Variants in EVC2 observed in about 807,000 individuals in gnomAD.
EVC2 encodes EvC ciliary complex subunit 2, also known as limbin.
EVC2 carries 148 observed loss-of-function variants against 149.3 expected under a neutral mutation model. The observed-to-expected ratio is 0.99, with a 90% CI of 0.87 to 1.14. The LOEUF is 1.14. EVC2 is among the 50% of genes most tolerant of loss of function. The pLI, the probability that EVC2 is intolerant of heterozygous loss-of-function variation, is 0.00. For missense variants in EVC2, 1,854 were observed against 1,627.3 expected, an observed-to-expected ratio of 1.14 and a Z score of -2.40; for synonymous variants, 776 against 649.9, an observed-to-expected ratio of 1.19 and a Z score of -2.95.
At chr4:5,606,417 C>T (rs1021873769) in intron 16 of EVC2, among the ~76,000 whole-genome samples, 1 of 152,180 alleles carries the variant, frequency 6.6e-6, no homozygotes, top group Non-Finnish European at 1.5e-5. Flanking sequence ...CACAGAAGGG[C>T]ATCACCTTGG....
rs550112563 is a variant in EVC2, at chr4:5,634,376, C to T, written c.1471-2344G>A. On this transcript the variant is annotated intron_variant, in intron 10 of 21. Transcript: ENST00000344408. ...CCGCTACGAATGACTAGCTGGTGCC[C>T]AGTTATGTCGGTTCATCCATCAAAG... 4.2e-4 allele frequency among the ~76,000 whole-genome samples: 64 copies of T among 152,266 alleles called. No homozygotes were observed. In the South Asian group the frequency reaches 0.013, roughly 31 times the overall value.
intron 17 of EVC2, among the ~76,000 whole-genome samples, chr4:5,582,646 T>A (rs1711903591): frequency 6.6e-6 from 1 of 152,198 alleles, no homozygotes; most frequent in Non-Finnish European, 1.5e-5. Flanking sequence ...AGGGGACTGT[T>A]GGGAAGGCAT....
intron 15 of EVC2, among the ~76,000 whole-genome samples, chr4:5,616,728 C>G (rs1380350092): frequency 1.3e-5 from 2 of 152,228 alleles, no homozygotes. Context: ...GCGAAGGGAG[C>G]TGCGGCTCCA....
At chr4:5,529,190 C>T in the EVC2 span, among the ~76,000 whole-genome samples, 3 of 152,130 alleles carry the variant, frequency 2.0e-5, no homozygotes, top group African/African-American at 7.2e-5. This position sits in a 1 kb window ranked among gnomAD's most constrained non-coding sequence, Gnocchi z 4.5. Flanking sequence ...GTACATGTGA[C>T]TGGGAGAATG....
At chr4:5,596,310 T>C (rs1037111778) in intron 16 of EVC2, among the ~76,000 whole-genome samples, 6 of 152,156 alleles carry the variant, frequency 3.9e-5, no homozygotes, top group East Asian at 1.9e-4. Context: ...ATTGACCACA[T>C]AGTTGGAAGT....
chr4:5,562,003 T>C (rs1000307820), downstream of EVC2, among the ~76,000 whole-genome samples: 1 of 152,192 alleles, frequency 6.6e-6, no homozygotes, highest in Non-Finnish European at 1.5e-5. The surrounding 1 kb of genome is among the most constrained non-coding windows in gnomAD (Gnocchi z 4.3). Flanking sequence ...GAGATATTAC[T>C]GGCCTCAGGC....
At chr4:5,552,099 A>G (rs1721749708) in intron 21 of EVC2, among the ~76,000 whole-genome samples, 1 of 152,070 alleles carries the variant, frequency 6.6e-6, no homozygotes, top group Non-Finnish European at 1.5e-5. Context: ...TTGTTTAGCT[A>G]TTTCTTATGA....
At chr4:5,698,973 G>A (rs1011812150) in intron 1 of EVC2, among the ~76,000 whole-genome samples, 2 of 152,176 alleles carry the variant, frequency 1.3e-5, no homozygotes, top group Non-Finnish European at 2.9e-5. Flanking sequence ...AGGATCGATG[G>A]GACAACTGTT....
intron 12 of EVC2, among the ~76,000 whole-genome samples, chr4:5,626,131 T>A (rs536616412): frequency 6.6e-6 from 1 of 152,214 alleles, no homozygotes; most frequent in South Asian, 2.1e-4. Context: ...AGGGTGGAAG[T>A]TGGCAAGAGT....
At chr4:5,565,183 C>T in intron 21 of EVC2, 75 bp downstream of exon 21, 3 of 1,431,606 alleles carry the variant, frequency 2.1e-6, no homozygotes, top group Non-Finnish European at 3.0e-6. Context: ...TTGTCACCTC[C>T]TGCCTCCCCA....
the EVC2 span, among the ~76,000 whole-genome samples, chr4:5,537,069 T>C: frequency 2.0e-5 from 3 of 152,130 alleles, no homozygotes; most frequent in African/African-American, 7.2e-5. Context: ...AAAACAATAG[T>C]TTTCAAGGTG....
intron 10 of EVC2, among the ~76,000 whole-genome samples, chr4:5,638,359 G>A (rs550003539): frequency 1.7e-4 from 26 of 150,600 alleles, no homozygotes; most frequent in Non-Finnish European, 2.7e-4. Flanking sequence ...ACTGCACTGC[G>A]ATCTGGGTGA....
At chr4:5,544,796 C>G (rs1424127623) in intron 21 of EVC2, among the ~76,000 whole-genome samples, 2 of 152,080 alleles carry the variant, frequency 1.3e-5, no homozygotes, top group Non-Finnish European at 2.9e-5. Context: ...GGATTGGGAC[C>G]CACAGATCAA....
Position 5,621,952 on chromosome 4 carries a change from T to C in EVC2, c.2501+585A>G, listed in dbSNP as rs186930543. Among the ~76,000 whole-genome samples, 12 of 152,296 alleles carry C rather than the reference T, an allele frequency of 7.9e-5. No homozygotes were observed. In the East Asian group the frequency reaches 2.3e-3, roughly 29 times the overall value. On this transcript the variant is annotated intron_variant, in intron 14 of 21. Coordinates refer to ENST00000344408, the MANE Select transcript of EVC2 (RefSeq NM_147127.5). ...CTACTCAGAAGTGGAAGTCATTACA[T>C]GGCTCTTGAATTAATAATAAAGATA...
chr4:5,605,513 T>C (rs1233287419), intron 16 of EVC2, among the ~76,000 whole-genome samples: 1 of 152,124 alleles, frequency 6.6e-6, no homozygotes, highest in Non-Finnish European at 1.5e-5. Flanking sequence ...ATAGATAAGA[T>C]AGATAGATAG....
chr4:5,543,649 A>T (rs975630276), intron 21 of EVC2, among the ~76,000 whole-genome samples: 3 of 152,194 alleles, frequency 2.0e-5, no homozygotes, highest in Non-Finnish European at 2.9e-5. Context: ...TTCCAGAAGG[A>T]GTTCCACACC....
At chr4:5,652,318 T>G (rs1238891638) in intron 9 of EVC2, among the ~76,000 whole-genome samples, 1 of 151,492 alleles carries the variant, frequency 6.6e-6, no homozygotes, top group Non-Finnish European at 1.5e-5. Flanking sequence ...TTCAGCCGGT[T>G]GTTTGTAGTA....
At chr4:5,615,641 A>G in intron 15 of EVC2, 97 bp from the exon 16 acceptor site, 4 of 1,570,796 alleles carry the variant, frequency 2.5e-6, no homozygotes, top group Non-Finnish European at 3.5e-6. Context: ...AAGTTTCTGC[A>G]GCTCCCAGAA....
At position 5,567,008 on chromosome 4, in the gene EVC2, T is replaced by C. The variant is rs1399446717; in HGVS notation, c.3557+1436A>G. The stretch of plus-strand genomic sequence containing the variant: ...AATATGATTGGCTCCTAATATTCCA[T>C]GGAGGAGCGTAGCATAGAGCATGTA... On this transcript the variant is annotated intron_variant, in intron 20 of 21. Transcript: ENST00000344408. The surrounding 1 kb of genome is among the most constrained non-coding windows in gnomAD (Gnocchi z 4.4). Among the ~76,000 whole-genome samples the C allele has an allele frequency of 1.3e-5, 2 of 152,136 alleles. No individual in the cohort carries two copies. Among genetic ancestry groups the C allele is most frequent in the Admixed American group, 6.5e-5 (1 of 15,276 alleles).
Sources: gnomAD v4.1 joint callset for allele counts (sites outside exome capture counted in the v4.1 genomes callset) on GRCh38, gnomAD v4.1.1 for gene constraint, Gnocchi (gnomAD v3.1) non-coding constraint, MANE v1.5 for transcripts, NCBI Gene and HGNC (gene_info 2026-07-23, HGNC 2026-07-21) for gene names.